ADAM32: variants seen among roughly 807,000 people sequenced by gnomAD.
The protein encoded by ADAM32 is ADAM metallopeptidase domain 32.
In ADAM32, 89 loss-of-function variants were observed where a neutral mutation model predicts 114.9. The observed-to-expected ratio is 0.77, with a 90% CI of 0.65 to 0.92. The LOEUF (loss-of-function observed/expected upper bound fraction) is 0.92, where lower values mean the gene tolerates loss of function less well. ADAM32 is among the 40% of genes least tolerant of loss of function. The pLI is 0.00. For missense variants in ADAM32, 870 were observed against 932.8 expected (o/e 0.93, Z 0.88); for synonymous variants, 285 against 307.5 (o/e 0.93, Z 0.77).
At chr8:39,159,694 C>T (rs954810014) in intron 6 of ADAM32, among the ~76,000 whole-genome samples, 1 of 152,202 alleles carries the variant, frequency 6.6e-6, no homozygotes. Flanking sequence ...TTGGAGTCCA[C>T]TCCAACCCTG....
chr8:39,252,890 C>G (rs1811394269), intron 17 of ADAM32, among the ~76,000 whole-genome samples: 1 of 151,554 alleles, frequency 6.6e-6, no homozygotes, highest in Non-Finnish European at 1.5e-5. Context: ...AGAACAATAA[C>G]AAATAAAGAG....
intron 1 of ADAM32, among the ~76,000 whole-genome samples, chr8:39,108,399 A>G (rs763584277): frequency 6.6e-6 from 1 of 152,210 alleles, no homozygotes; most frequent in Non-Finnish European, 1.5e-5. Context: ...GTTCTCCAGA[A>G]CTATGAGGAA....
intron 3 of ADAM32, among the ~76,000 whole-genome samples, chr8:39,140,015 C>T (rs1803042458): frequency 6.6e-6 from 1 of 152,136 alleles, no homozygotes; most frequent in Non-Finnish European, 1.5e-5. Flanking sequence ...GATTTTTGCA[C>T]ATTGATTTTG....
At chr8:39,257,460 C>A in intron 19 of ADAM32, 117 bp downstream of exon 19, 1 of 1,191,986 alleles carries the variant, frequency 8.4e-7, no homozygotes, top group Non-Finnish European at 1.1e-6. Flanking sequence ...TTGAGTATTA[C>A]ATCAATATGT....
intron 12 of ADAM32, among the ~76,000 whole-genome samples, chr8:39,211,879 CAG>C (rs1177702482): frequency 1.3e-5 from 2 of 152,170 alleles, no homozygotes; most frequent in Non-Finnish European, 2.9e-5. Flanking sequence ...ACAAGGTAGA[CAG>C]AAATTTATTA....
intron 12 of ADAM32, among the ~76,000 whole-genome samples, chr8:39,219,067 C>T (rs1057273705): frequency 6.6e-6 from 1 of 151,990 alleles, no homozygotes; most frequent in East Asian, 1.9e-4. Flanking sequence ...GGAACTAGGA[C>T]CTGGAATGGG....
chr8:39,174,004 T>C (rs1453743371), intron 10 of ADAM32, among the ~76,000 whole-genome samples: 1 of 152,214 alleles, frequency 6.6e-6, no homozygotes, highest in Admixed American at 6.5e-5. Flanking sequence ...TTTGTATTTT[T>C]AGTAGATACA....
chr8:39,199,295 A>G (rs1380271019), intron 11 of ADAM32, among the ~76,000 whole-genome samples: 1 of 152,210 alleles, frequency 6.6e-6, no homozygotes, highest in Admixed American at 6.5e-5. Context: ...TCCTTACATA[A>G]GTCATCTATG....
chr8:39,283,516 A>G, intron 23 of ADAM32, 70 bp from the exon 24 acceptor site: 1 of 1,297,810 alleles, frequency 7.7e-7, no homozygotes, highest in Non-Finnish European at 1.1e-6. Flanking sequence ...TGCCATAACA[A>G]ATAAATACAA....
At chr8:39,265,430 G>A (rs1261976923) in intron 19 of ADAM32, among the ~76,000 whole-genome samples, 3 of 152,134 alleles carry the variant, frequency 2.0e-5, no homozygotes, top group Admixed American at 2.0e-4. Context: ...CATGTAGTTG[G>A]ATCTTGCTTC....
chr8:39,153,937 C>T (rs1314000161), intron 6 of ADAM32, among the ~76,000 whole-genome samples: 1 of 151,584 alleles, frequency 6.6e-6, no homozygotes. Flanking sequence ...ATCTGGAAAG[C>T]TGGGAAGCTC....
intron 21 of ADAM32, among the ~76,000 whole-genome samples, chr8:39,275,593 T>C (rs1393214197): frequency 6.6e-6 from 1 of 152,252 alleles, no homozygotes; most frequent in African/African-American, 2.4e-5. Flanking sequence ...AGTTTTCTTG[T>C]TCCTCTGCTT....
chr8:39,188,079 A>C (rs527328543), intron 11 of ADAM32, among the ~76,000 whole-genome samples: 4 of 142,926 alleles, frequency 2.8e-5, no homozygotes, highest in African/African-American at 9.8e-5. Flanking sequence ...AAGACATTAA[A>C]TTTTGAAAAC....
At chr8:39,138,133 A>G (rs368310146) in intron 3 of ADAM32, among the ~76,000 whole-genome samples, 21 of 152,198 alleles carry the variant, frequency 1.4e-4, no homozygotes, top group Admixed American at 3.3e-4. Context: ...CTATGACTAC[A>G]TAGAGATAGG....
At chr8:39,167,625 C>T (rs904771129) in intron 9 of ADAM32, 3 of 142,160 alleles carry the variant, frequency 2.1e-5, no homozygotes, top group African/African-American at 7.5e-5. Flanking sequence ...TTTTAGACTG[C>T]TTTTGGCAAT....
intron 11 of ADAM32, among the ~76,000 whole-genome samples, chr8:39,207,223 C>T (rs1349911285): frequency 6.6e-6 from 1 of 152,092 alleles, no homozygotes; most frequent in Non-Finnish European, 1.5e-5. Flanking sequence ...CCAGTGCTTG[C>T]TCTTAGAACC....
At chr8:39,229,142 G>A (rs536451960) in intron 14 of ADAM32, among the ~76,000 whole-genome samples, 71 of 152,248 alleles carry the variant, frequency 4.7e-4, no homozygotes, top group African/African-American at 1.6e-3. Flanking sequence ...GAGAGAATTC[G>A]CCATTACCAA....
chr8:39,109,743 A>G (rs1286259501), intron 1 of ADAM32, among the ~76,000 whole-genome samples: 2 of 152,130 alleles, frequency 1.3e-5, no homozygotes, highest in Non-Finnish European at 1.5e-5. Context: ...GTTATCATCC[A>G]AAGTCCACAG....
chr8:39,155,433 T>C (rs1804085441), intron 6 of ADAM32, among the ~76,000 whole-genome samples: 1 of 152,204 alleles, frequency 6.6e-6, no homozygotes, highest in African/African-American at 2.4e-5. Context: ...TATGTGACAA[T>C]AGCATGACAT....
Sources: gnomAD v4.1 joint callset for allele counts (sites outside exome capture counted in the v4.1 genomes callset) on GRCh38, gnomAD v4.1.1 for gene constraint, MANE v1.5 for transcripts, NCBI Gene and HGNC (gene_info 2026-07-23, HGNC 2026-07-21) for gene names.